The following AFF1 variants were observed in gnomAD, a reference collection of about 807,000 sequenced individuals.
AFF1 encodes the protein ALF transcription elongation factor 1.
A neutral mutation model predicts 121.7 loss-of-function variants in AFF1; 48 were observed. The ratio of observed to expected loss-of-function variants is 0.39; its 90% CI spans 0.31 to 0.50. The LOEUF (loss-of-function observed/expected upper bound fraction) is 0.50, where lower values mean the gene tolerates loss of function less well. Ranked by LOEUF, AFF1 falls within the 20% of genes least tolerant of loss-of-function variation. The pLI is 0.76. For synonymous variants in AFF1, 613 were observed against 563.0 expected (o/e 1.09, Z -1.26); for missense variants, 1,523 against 1,511.7 (o/e 1.01, Z -0.12).
At chr4:87,023,704 C>G (rs2149567058) in intron 2 of AFF1, among the ~76,000 whole-genome samples, 1 of 152,306 alleles carries the variant, frequency 6.6e-6, no homozygotes, top group Middle Eastern at 3.4e-3. Context: ...AGGCTAGAGC[C>G]AGAATGTTTC....
At chr4:86,969,340 G>T (rs533154058) in intron 2 of AFF1, among the ~76,000 whole-genome samples, 1 of 151,864 alleles carries the variant, frequency 6.6e-6, no homozygotes, top group South Asian at 2.1e-4. Context: ...TTAGCTTGGC[G>T]TGGTGGCACG....
chr4:87,023,128 T>C (rs937837649), intron 2 of AFF1, among the ~76,000 whole-genome samples: 19 of 152,102 alleles, frequency 1.2e-4, no homozygotes, highest in Non-Finnish European at 2.6e-4. Context: ...AGGCTGGTCT[T>C]GAACTCAGGT....
intron 1 of AFF1, among the ~76,000 whole-genome samples, chr4:86,937,414 C>T (rs1720088941): frequency 6.6e-6 from 1 of 152,216 alleles, no homozygotes; most frequent in African/African-American, 2.4e-5. Flanking sequence ...TATATCAAAA[C>T]TAGCTGTCTC....
At chr4:87,131,923 C>A in intron 18 of AFF1, 59 bp downstream of exon 18, 3 of 1,371,338 alleles carry the variant, frequency 2.2e-6, no homozygotes, top group Non-Finnish European at 2.0e-6. Flanking sequence ...GTTGATGTTA[C>A]AAAAAGATTC....
chr4:86,980,889 T>C (rs562966136), intron 2 of AFF1, among the ~76,000 whole-genome samples: 39 of 149,398 alleles, frequency 2.6e-4, no homozygotes, highest in African/African-American at 8.7e-4. Flanking sequence ...AAGTTGAAAG[T>C]AATGGCCAGG....
chr4:87,108,263 G>A lies in AFF1; in HGVS notation c.1481G>A (p.Ser494Asn), dbSNP rs781637419. The change falls in exon 11 of 21, where the codon AGC becomes AAC. Residue 494 changes from serine (S) to asparagine (N), a missense_variant. Around this residue, in one of 5 missense-constraint regions of AFF1, gnomAD observed 905 missense variants for 842.5 expected, o/e 1.07. Transcript: ENST00000395146. Reference protein sequence around the residue: ...SDSSSDSESESSSSDSEENEP... With the variant: ...SDSSSDSESENSSSDSEENEP... ...AGTTCCTCAGACTCAGAGAGCGAGA[G>A]CAGTTCAAGTGACAGCGAAGAAAAT... The A allele has an allele frequency of 1.2e-6, 2 of 1,613,988 alleles. No individual in the cohort carries two copies. The highest frequency in any genetic ancestry group is 1.3e-5 in the African/African-American group (1 of 74,930).
intron 7 of AFF1, among the ~76,000 whole-genome samples, chr4:87,092,284 A>G (rs1380426834): frequency 6.6e-6 from 1 of 152,224 alleles, no homozygotes; most frequent in East Asian, 1.9e-4. Flanking sequence ...CCTGTCTCAA[A>G]CAAACAAAAA....
intron 2 of AFF1, among the ~76,000 whole-genome samples, chr4:87,030,321 G>C (rs1197850842): frequency 6.6e-6 from 1 of 152,230 alleles, no homozygotes; most frequent in Non-Finnish European, 1.5e-5. Context: ...GTAAGCAGAT[G>C]AGGATCACTA....
At chr4:87,031,435 A>ATTTTTTTTTTT (rs1491098607) in intron 2 of AFF1, among the ~76,000 whole-genome samples, 1 of 141,366 alleles carries the variant, frequency 7.1e-6, no homozygotes, top group Non-Finnish European at 1.5e-5. Context: ...CACTCTTAGC[A>ATTTTTTTTTTT]TATGTTTTTT....
chr4:87,095,199 ATC>A (rs1391807280), intron 8 of AFF1, among the ~76,000 whole-genome samples: 1 of 152,104 alleles, frequency 6.6e-6, no homozygotes, highest in African/African-American at 2.4e-5. Context: ...GCTCACTGCA[ATC>A]TCTGCCTCCC....
At chr4:87,065,221 C>G (rs913982030) in intron 4 of AFF1, among the ~76,000 whole-genome samples, 2 of 152,160 alleles carry the variant, frequency 1.3e-5, no homozygotes, top group Non-Finnish European at 2.9e-5. Flanking sequence ...CAAGGAGGAG[C>G]AGGTCACGTC....
At chr4:86,985,480 C>T (rs956247481) in intron 2 of AFF1, among the ~76,000 whole-genome samples, 10 of 144,220 alleles carry the variant, frequency 6.9e-5, no homozygotes, top group Non-Finnish European at 1.2e-4. Flanking sequence ...CACTCCAGCC[C>T]GGGCCGACAA....
At chr4:86,937,457 C>A (rs972957854) in intron 1 of AFF1, among the ~76,000 whole-genome samples, 6 of 152,186 alleles carry the variant, frequency 3.9e-5, no homozygotes, top group African/African-American at 1.4e-4. Flanking sequence ...CTGAATTTTG[C>A]AGAGCTGGTT....
chr4:87,008,726 T>G (rs1379689809), intron 2 of AFF1, among the ~76,000 whole-genome samples: 1 of 152,128 alleles, frequency 6.6e-6, no homozygotes, highest in Non-Finnish European at 1.5e-5. Context: ...ATACAATTGT[T>G]GCAGATGTCT....
At chr4:86,961,383 A>G (rs1389954336) in intron 2 of AFF1, among the ~76,000 whole-genome samples, 1 of 152,048 alleles carries the variant, frequency 6.6e-6, no homozygotes, top group Non-Finnish European at 1.5e-5. Flanking sequence ...GCAGGGATAT[A>G]CTTTCTGAGC....
chr4:86,983,364 TA>T (rs972861016), intron 2 of AFF1, among the ~76,000 whole-genome samples: 2 of 151,770 alleles, frequency 1.3e-5, no homozygotes, highest in African/African-American at 4.8e-5. Flanking sequence ...TCGTCTCTAC[TA>T]AAAATATAAA....
intron 2 of AFF1, among the ~76,000 whole-genome samples, chr4:86,994,195 A>T (rs1724937675): frequency 6.6e-6 from 1 of 152,198 alleles, no homozygotes; most frequent in African/African-American, 2.4e-5. Flanking sequence ...TTAAACAAAC[A>T]TTTGTTTTCT....
At chr4:86,995,641 T>C (rs1210234151) in intron 2 of AFF1, among the ~76,000 whole-genome samples, 1 of 150,806 alleles carries the variant, frequency 6.6e-6, no homozygotes, top group Non-Finnish European at 1.5e-5. Context: ...TGGAGTGCAG[T>C]GGTGTGATCT....
intron 8 of AFF1, among the ~76,000 whole-genome samples, chr4:87,099,006 C>T (rs1318106152): frequency 6.6e-6 from 1 of 152,174 alleles, no homozygotes; most frequent in Admixed American, 6.5e-5. Context: ...ATAAAATTGT[C>T]ACATCAGGAT....
Sources: allele counts gnomAD v4.1 joint callset (sites outside exome capture counted in the v4.1 genomes callset), GRCh38; gene constraint gnomAD v4.1.1; regional missense constraint gnomAD v4.1.1; transcripts MANE v1.5; gene names NCBI Gene and HGNC (gene_info 2026-07-23, HGNC 2026-07-21).